The following PARD3B variants were observed in gnomAD, a reference collection of about 807,000 sequenced individuals.
PARD3B encodes the protein par-3 family cell polarity regulator beta.
A neutral mutation model predicts 130.2 loss-of-function variants in PARD3B; 103 were observed. That is an observed-to-expected ratio of 0.79 (90% confidence interval 0.67 to 0.93). The LOEUF (loss-of-function observed/expected upper bound fraction) is 0.93, where lower values mean the gene tolerates loss of function less well. Ranked by LOEUF, PARD3B falls within the 40% of genes least tolerant of loss-of-function variation. PARD3B has a pLI of 0.00. For synonymous variants in PARD3B, 583 were observed against 553.2 expected (o/e 1.05, Z -0.76); for missense variants, 1,609 against 1,499.2 (o/e 1.07, Z -1.21).
At position 205,440,411 on chromosome 2, in the gene PARD3B, G is replaced by A. The variant is rs772959179; in HGVS notation, c.2783G>A (p.Arg928Lys). Residue 928 changes from arginine to lysine, a missense_variant, in exon 20 of 23, where the codon AGA becomes AAA. By Grantham distance (26) the Arg-to-Lys change is conservative. Coordinates refer to ENST00000406610, the MANE Select transcript of PARD3B (RefSeq NM_001302769.2). The surrounding 1 kb of genome is among the most constrained non-coding windows in gnomAD (Gnocchi z 4.2). The stretch of plus-strand genomic sequence containing the variant: ...CAGGAGCTAAGGGAAAAGCAGGCAA[G>A]AGGTCTTCTTGATTATGCTACTGGT... ...KHQELREKQARGLLDYATGAI... is the reference protein window; with the variant it reads ...KHQELREKQAKGLLDYATGAI... The A allele has an allele frequency of 5.6e-6, 9 of 1,614,134 alleles. No individual in the cohort carries two copies. In the South Asian group the frequency reaches 9.9e-5, roughly 18 times the overall value.
At position 205,564,453 on chromosome 2, in the gene PARD3B, G is replaced by C. The variant is rs996435233; in HGVS notation, c.3260+11050G>C. ...TTTAAATGGTGCTTTTTTGCTTAAA[G>C]ACTGCCTCTGTGTTATGCTAGTGAG... On this transcript the variant is annotated intron_variant, in intron 22 of 22. Coordinates refer to ENST00000406610, the MANE Select transcript of PARD3B (RefSeq NM_001302769.2). This position sits in a 1 kb window ranked among gnomAD's most constrained non-coding sequence, Gnocchi z 4.6. Among the ~76,000 whole-genome samples the C allele has an allele frequency of 1.3e-5, 2 of 152,156 alleles. No homozygotes were observed. Among genetic ancestry groups the C allele is most frequent in the South Asian group, 2.1e-4 (1 of 4,830 alleles).
intron 1 of PARD3B, among the ~76,000 whole-genome samples, chr2:204,557,404 C>T (rs1047962542): frequency 1.2e-4 from 18 of 152,152 alleles, no homozygotes; most frequent in African/African-American, 3.6e-4. Context: ...TATTCCACCA[C>T]ATGTCCAGTC....
chr2:205,429,549 A>G (rs1451313008), intron 19 of PARD3B, among the ~76,000 whole-genome samples: 1 of 152,206 alleles, frequency 6.6e-6, no homozygotes, highest in Non-Finnish European at 1.5e-5. Flanking sequence ...TGGAGACATC[A>G]GTTTGTCTCC....
intron 21 of PARD3B, among the ~76,000 whole-genome samples, chr2:205,501,533 G>C (rs962197299): frequency 6.6e-6 from 1 of 152,172 alleles, no homozygotes; most frequent in Non-Finnish European, 1.5e-5. Flanking sequence ...TGTTAGGTAA[G>C]GCTCAGCTCC....
chr2:205,337,807 T>A (rs1233220492), intron 18 of PARD3B, among the ~76,000 whole-genome samples: 1 of 152,192 alleles, frequency 6.6e-6, no homozygotes, highest in Non-Finnish European at 1.5e-5. Flanking sequence ...TTTTAGTTCA[T>A]TTATTTTAGA....
At chr2:205,088,099 G>T (rs1380244289) in intron 4 of PARD3B, among the ~76,000 whole-genome samples, 1 of 152,182 alleles carries the variant, frequency 6.6e-6, no homozygotes, top group African/African-American at 2.4e-5. Context: ...TTTTGCAACT[G>T]TGATCCAAAT....
At chr2:204,712,586 C>T (rs2038504258) in intron 2 of PARD3B, among the ~76,000 whole-genome samples, 1 of 146,150 alleles carries the variant, frequency 6.8e-6, no homozygotes, top group South Asian at 2.2e-4. Flanking sequence ...TGCACTTTAG[C>T]CTGGGTGACA....
chr2:205,273,689 C>T (rs1236308306), intron 16 of PARD3B, among the ~76,000 whole-genome samples: 6 of 152,200 alleles, frequency 3.9e-5, no homozygotes, highest in Non-Finnish European at 8.8e-5. Flanking sequence ...GTATGGAAGA[C>T]ACTCTATTTG....
At chr2:204,880,673 A>AG (rs2046010444) in intron 2 of PARD3B, among the ~76,000 whole-genome samples, 1 of 151,420 alleles carries the variant, frequency 6.6e-6, no homozygotes, top group Non-Finnish European at 1.5e-5. Flanking sequence ...AAAAAAAAAA[A>AG]AAAAAAAAAT....
At chr2:204,582,313 G>C (rs1559168397) in intron 1 of PARD3B, among the ~76,000 whole-genome samples, 1 of 152,190 alleles carries the variant, frequency 6.6e-6, no homozygotes, top group Admixed American at 6.5e-5. Flanking sequence ...CAGTTGATCT[G>C]TCAGTTTGTG....
At chr2:205,017,218 G>A (rs1015386822) in intron 3 of PARD3B, among the ~76,000 whole-genome samples, 1 of 152,154 alleles carries the variant, frequency 6.6e-6, no homozygotes, top group Non-Finnish European at 1.5e-5. Flanking sequence ...GCTTAGGGGA[G>A]TTGGACCAGT....
intron 2 of PARD3B, among the ~76,000 whole-genome samples, chr2:204,879,058 A>G (rs1337011251): frequency 2.6e-5 from 4 of 152,192 alleles, no homozygotes; most frequent in East Asian, 1.9e-4. Context: ...TTTTACTCCT[A>G]TAATTGTCAT....
chr2:205,113,612 A>C (rs756189294), intron 6 of PARD3B, 35 bp downstream of exon 6: 3 of 1,522,910 alleles, frequency 2.0e-6, no homozygotes, highest in Non-Finnish European at 2.7e-6. Context: ...AGCTCATGCT[A>C]ATGAAAACCC....
chr2:205,000,698 T>C (rs1274309429), intron 3 of PARD3B, among the ~76,000 whole-genome samples: 1 of 152,194 alleles, frequency 6.6e-6, no homozygotes, highest in Non-Finnish European at 1.5e-5. Flanking sequence ...ACTTATCACA[T>C]GGGTTGTTGA....
chr2:204,545,919 G>A lies in PARD3B; in HGVS notation c.-81G>A, dbSNP rs2029890627. ...CGGGTCTCTGGGCCCACCCGCCCCG[G>A]GCGTCCTCCGAGAGTGGGGGCTGCG... On this transcript the variant is annotated 5_prime_UTR_variant, in exon 1 of 23. Coordinates refer to ENST00000406610, the MANE Select transcript of PARD3B (RefSeq NM_001302769.2). 1 of 1,415,304 alleles carries A rather than the reference G, an allele frequency of 7.1e-7. No homozygotes were observed. The highest frequency in any genetic ancestry group is 2.8e-5 in the East Asian group (1 of 35,198). The allele number at this position is 1,415,304 out of a possible 1,614,324, so 87.7% of individuals were successfully genotyped here.
chr2:205,159,600 G>A (rs987109271), intron 11 of PARD3B, among the ~76,000 whole-genome samples: 1 of 152,210 alleles, frequency 6.6e-6, no homozygotes, highest in Non-Finnish European at 1.5e-5. Flanking sequence ...CGGTAGAATG[G>A]TGATAATAAA....
intron 18 of PARD3B, among the ~76,000 whole-genome samples, chr2:205,308,604 CAA>C (rs5837965): frequency 1.8e-5 from 2 of 113,296 alleles, no homozygotes; most frequent in African/African-American, 3.0e-5. Flanking sequence ...GACTCCGTCT[CAA>C]AAAAAAAAAA....
At chr2:204,858,030 C>T (rs547571430) in intron 2 of PARD3B, among the ~76,000 whole-genome samples, 1 of 152,160 alleles carries the variant, frequency 6.6e-6, no homozygotes, top group East Asian at 1.9e-4. Flanking sequence ...TATCTGGGTT[C>T]ACAGTTCCAA....
chr2:205,479,209 C>T (rs970111969), intron 20 of PARD3B, among the ~76,000 whole-genome samples: 1 of 152,142 alleles, frequency 6.6e-6, no homozygotes, highest in Non-Finnish European at 1.5e-5. Context: ...GCGGTTTTGG[C>T]CCTTGCACAT....
Sources: allele counts gnomAD v4.1 joint callset (sites outside exome capture counted in the v4.1 genomes callset), GRCh38; gene constraint gnomAD v4.1.1; non-coding constraint Gnocchi (gnomAD v3.1); transcripts MANE v1.5; gene names NCBI Gene and HGNC (gene_info 2026-07-23, HGNC 2026-07-21).